Variants in NOX4 observed in about 807,000 individuals in gnomAD.
NOX4 encodes NADPH oxidase 4, also known as kidney oxidase-1.
Under a neutral mutation model 87.6 loss-of-function variants are expected in NOX4, and 69 were observed. The observed-to-expected ratio is 0.79, with a 90% CI of 0.65 to 0.96. The LOEUF is 0.96. NOX4 is among the 40% of genes least tolerant of loss of function. The probability of loss-of-function intolerance (pLI) is 0.00; values close to 1 mark genes in which losing one functional copy is unlikely to be tolerated. For synonymous variants in NOX4, 275 were observed against 238.2 expected (o/e 1.15, Z -1.42); for missense variants, 680 against 681.5 (o/e 1.00, Z 0.02).
At chr11:89,362,565 G>A (rs317186) in intron 12 of NOX4, among the ~76,000 whole-genome samples, 15,144 of 151,842 alleles carry the variant, frequency 0.1, 921 homozygotes, top group South Asian at 0.18. Flanking sequence ...CTTTAGATTT[G>A]TTTGAATTTT....
At chr11:89,436,960 T>A (rs974758867) in intron 6 of NOX4, among the ~76,000 whole-genome samples, 2 of 152,156 alleles carry the variant, frequency 1.3e-5, no homozygotes, top group African/African-American at 4.8e-5. Flanking sequence ...AAGACAATCT[T>A]AATTTGTCAA....
exon 1 of NOX4, chr11:89,498,052 G>T (rs1254957515): frequency 6.6e-6 from 1 of 152,074 alleles, no homozygotes; most frequent in Non-Finnish European, 1.5e-5. Flanking sequence ...CCTGCTAGAG[G>T]CCCATGTAGA....
At chr11:89,337,264 T>C (rs1209466896) in intron 16 of NOX4, among the ~76,000 whole-genome samples, 183 bp downstream of exon 16, 1 of 151,988 alleles carries the variant, frequency 6.6e-6, no homozygotes, top group African/African-American at 2.4e-5. Flanking sequence ...GAAGGACAAA[T>C]GGAAGGCATA....
the NOX4 span, among the ~76,000 whole-genome samples, chr11:89,505,335 T>G: frequency 6.6e-6 from 1 of 151,966 alleles, no homozygotes; most frequent in African/African-American, 2.4e-5. Context: ...ATGAGCCCGA[T>G]AAGTTGTTAA....
chr11:89,444,678 C>T (rs936994167), intron 4 of NOX4, among the ~76,000 whole-genome samples: 4 of 152,064 alleles, frequency 2.6e-5, no homozygotes, highest in African/African-American at 9.7e-5. Flanking sequence ...GCATACTTCC[C>T]TACCCCATAA....
chr11:89,575,342 C>T, the NOX4 span, among the ~76,000 whole-genome samples: 1 of 151,930 alleles, frequency 6.6e-6, no homozygotes, highest in Non-Finnish European at 1.5e-5. Context: ...TGTGATGATG[C>T]CAAGAAATTT....
chr11:89,426,271 C>G (rs1351676381), intron 7 of NOX4, among the ~76,000 whole-genome samples: 1 of 152,096 alleles, frequency 6.6e-6, no homozygotes, highest in Non-Finnish European at 1.5e-5. Flanking sequence ...ATAGGAACAG[C>G]TCCAGTCTAC....
intron 13 of NOX4, among the ~76,000 whole-genome samples, chr11:89,347,686 C>T (rs1235265511): frequency 6.6e-6 from 1 of 152,138 alleles, no homozygotes; most frequent in East Asian, 1.9e-4. Flanking sequence ...TTCTCCCTCT[C>T]TCTCCTCCTC....
At chr11:89,409,842 C>T (rs1191392835) in intron 8 of NOX4, among the ~76,000 whole-genome samples, 1 of 151,968 alleles carries the variant, frequency 6.6e-6, no homozygotes, top group African/African-American at 2.4e-5. Flanking sequence ...TGGATTCCAT[C>T]TAAGAGAGAT....
the NOX4 span, chr11:89,548,078 G>C: frequency 3.3e-5 from 5 of 151,958 alleles, no homozygotes; most frequent in African/African-American, 1.2e-4. Context: ...GACTAAATAT[G>C]TATAAATTTT....
At chr11:89,495,302 A>T (rs1047355220), upstream of NOX4, among the ~76,000 whole-genome samples, 3 of 152,032 alleles carry the variant, frequency 2.0e-5, no homozygotes, top group Non-Finnish European at 2.9e-5. Context: ...TGTGCTAAAG[A>T]GAATCTGTTC....
chr11:89,562,702 TGAA>T, the NOX4 span, among the ~76,000 whole-genome samples: 2 of 152,216 alleles, frequency 1.3e-5, no homozygotes, highest in Non-Finnish European at 2.9e-5. Flanking sequence ...TGACATTCCT[TGAA>T]GAATGGGCTC....
At chr11:89,340,980 T>C (rs4107610) in intron 14 of NOX4, among the ~76,000 whole-genome samples, 2 of 152,046 alleles carry the variant, frequency 1.3e-5, no homozygotes, top group African/African-American at 2.4e-5. Context: ...GCAAAAAAAA[T>C]AGTAAATGGA....
At chr11:89,490,267 A>G (rs1946797870) in intron 2 of NOX4, among the ~76,000 whole-genome samples, 191 bp downstream of exon 2, 1 of 152,206 alleles carries the variant, frequency 6.6e-6, no homozygotes, top group Non-Finnish European at 1.5e-5. Context: ...TTGGTTCTTG[A>G]GAGAGTCAAT....
the NOX4 span, among the ~76,000 whole-genome samples, chr11:89,509,197 G>A: frequency 6.6e-6 from 1 of 151,864 alleles, no homozygotes; most frequent in South Asian, 2.1e-4. Flanking sequence ...AGAATTGCAT[G>A]GCCAAAATAT....
At chr11:89,389,433 T>G (rs547360546) in intron 11 of NOX4, among the ~76,000 whole-genome samples, 1 of 152,292 alleles carries the variant, frequency 6.6e-6, no homozygotes, top group African/African-American at 2.4e-5. Context: ...AAACTCAAAC[T>G]ACTGAATTTG....
chr11:89,477,700 A>G (rs1443745948), intron 2 of NOX4, among the ~76,000 whole-genome samples: 1 of 152,082 alleles, frequency 6.6e-6, no homozygotes, highest in Non-Finnish European at 1.5e-5. Flanking sequence ...TTTTGTTTTT[A>G]TGGAAATAAT....
At chr11:89,449,603 T>C (rs1180645676) in intron 3 of NOX4, 79 bp from the exon 4 acceptor site, 4 of 1,137,810 alleles carry the variant, frequency 3.5e-6, no homozygotes, top group East Asian at 2.4e-5. Flanking sequence ...TTGTTCATTA[T>C]GTCAAAATTT....
At chr11:89,473,191 T>C (rs773036493) in intron 2 of NOX4, among the ~76,000 whole-genome samples, 3 of 152,166 alleles carry the variant, frequency 2.0e-5, no homozygotes, top group Admixed American at 6.6e-5. Flanking sequence ...ACAGAAATTA[T>C]CTGTGCACAG....
Sources: allele counts gnomAD v4.1 joint callset (sites outside exome capture counted in the v4.1 genomes callset), GRCh38; gene constraint gnomAD v4.1.1; transcripts MANE v1.5; gene names NCBI Gene and HGNC (gene_info 2026-07-23, HGNC 2026-07-21).